Variants in KCNMA1 observed in about 807,000 individuals in gnomAD.
The protein encoded by KCNMA1 is Calcium-activated potassium channel subunit alpha-1.
In KCNMA1, 29 loss-of-function variants were observed where a neutral mutation model predicts 140.0. The ratio of observed to expected loss-of-function variants is 0.21; its 90% CI spans 0.15 to 0.28. The LOEUF (loss-of-function observed/expected upper bound fraction) is 0.28, where lower values mean the gene tolerates loss of function less well. KCNMA1 is among the 10% of genes least tolerant of loss of function. The pLI, the probability that KCNMA1 is intolerant of heterozygous loss-of-function variation, is 1.00. For synonymous variants in KCNMA1, 612 were observed against 611.9 expected, an observed-to-expected ratio of 1.00 and a Z score of 0.00; for missense variants, 880 against 1,602.2, an observed-to-expected ratio of 0.55 and a Z score of 7.70.
chr10:77,605,051 G>A (rs893870268), intron 1 of KCNMA1, among the ~76,000 whole-genome samples: 15 of 152,360 alleles, frequency 9.8e-5, no homozygotes, highest in South Asian at 2.1e-4. Flanking sequence ...CATAAAACCC[G>A]CAGTCCTAAC....
At chr10:77,332,651 G>A (rs1406381256) in intron 2 of KCNMA1, among the ~76,000 whole-genome samples, 1 of 152,192 alleles carries the variant, frequency 6.6e-6, no homozygotes, top group African/African-American at 2.4e-5. Flanking sequence ...GGGTCACCAG[G>A]CAGAGCTAGG....
intron 14 of KCNMA1, among the ~76,000 whole-genome samples, chr10:77,046,705 CA>C: frequency 6.6e-6 from 1 of 152,198 alleles, no homozygotes; most frequent in East Asian, 1.9e-4. Context: ...CAGTTTTTAT[CA>C]AAGGGCATGT....
intron 9 of KCNMA1, among the ~76,000 whole-genome samples, chr10:77,096,653 A>C (rs1207922684): frequency 6.6e-6 from 1 of 152,234 alleles, no homozygotes; most frequent in African/African-American, 2.4e-5. Flanking sequence ...TAAAGAACTT[A>C]AAAAACCCAG....
chr10:77,463,968 G>A (rs946356550), intron 1 of KCNMA1, among the ~76,000 whole-genome samples: 8 of 152,046 alleles, frequency 5.3e-5, no homozygotes, highest in African/African-American at 1.7e-4. Flanking sequence ...AGAGACCAGC[G>A]GCATCTGCAT....
In KCNMA1 at chr10:77,257,710, G is replaced by A. The variant is rs187552988; in HGVS notation, c.541-6454C>T. 2.9e-4 allele frequency among the ~76,000 whole-genome samples: 44 copies of A among 152,168 alleles called. No individual in the cohort carries two copies. In the South Asian group the frequency reaches 4.4e-3, roughly 15 times the overall value. On this transcript the variant is annotated intron_variant, in intron 2 of 27. Coordinates refer to ENST00000286628, the MANE Select transcript of KCNMA1 (RefSeq NM_001161352.2). ...TGGGAGGTAATTGAATCATGGGGGCGGGTCTTTCCCATGCTGTTCCTGTGA... is the reference window on the plus strand; with the variant it reads ...TGGGAGGTAATTGAATCATGGGGGCAGGTCTTTCCCATGCTGTTCCTGTGA...
chr10:77,318,690 T>C (rs1431641588), intron 2 of KCNMA1, among the ~76,000 whole-genome samples: 2 of 152,182 alleles, frequency 1.3e-5, no homozygotes, highest in Non-Finnish European at 2.9e-5. Context: ...GAAAGGACAG[T>C]TGAAATTAGT....
intron 1 of KCNMA1, among the ~76,000 whole-genome samples, chr10:77,549,310 T>C (rs917933740): frequency 6.6e-6 from 1 of 152,206 alleles, no homozygotes; most frequent in African/African-American, 2.4e-5. Flanking sequence ...CTCCATTATC[T>C]TGAGGAGTAA....
At chr10:76,913,095 C>T (rs1344798122) in intron 24 of KCNMA1, 6 of 152,190 alleles carry the variant, frequency 3.9e-5, no homozygotes, top group Admixed American at 1.3e-4. Context: ...TGAAAGCCTG[C>T]TCCCTTATTT....
intron 3 of KCNMA1, among the ~76,000 whole-genome samples, chr10:77,236,837 G>A (rs2055659914): frequency 6.6e-6 from 1 of 152,164 alleles, no homozygotes; most frequent in Non-Finnish European, 1.5e-5. Context: ...TAGAGACAAG[G>A]TCCCACTCTG....
chr10:77,441,833 G>T (rs186997580), intron 1 of KCNMA1, among the ~76,000 whole-genome samples: 256 of 151,378 alleles, frequency 1.7e-3, no homozygotes, highest in African/African-American at 5.9e-3. Flanking sequence ...AATAGCCTGA[G>T]ATCTTTTTTT....
chr10:77,396,107 T>G (rs1207847378), intron 2 of KCNMA1, among the ~76,000 whole-genome samples: 1 of 152,210 alleles, frequency 6.6e-6, no homozygotes, highest in Non-Finnish European at 1.5e-5. Flanking sequence ...AAGCCTCCCT[T>G]AGGAGTGTTA....
chr10:77,199,617 A>G (rs1470112948), intron 3 of KCNMA1, among the ~76,000 whole-genome samples: 1 of 152,212 alleles, frequency 6.6e-6, no homozygotes. Context: ...GTACTCAAAT[A>G]TAAGTAAGAA....
chr10:77,334,686 A>G (rs1368682515), intron 2 of KCNMA1, among the ~76,000 whole-genome samples: 1 of 152,200 alleles, frequency 6.6e-6, no homozygotes, highest in South Asian at 2.1e-4. Flanking sequence ...ATATTTACAC[A>G]TGAAACATAC....
At chr10:76,894,930 AT>A (rs1004264476) in intron 25 of KCNMA1, among the ~76,000 whole-genome samples, 5 of 152,144 alleles carry the variant, frequency 3.3e-5, no homozygotes, top group Non-Finnish European at 7.4e-5. Flanking sequence ...GTTATGCCCA[AT>A]TTCTGCCTCC....
chr10:77,400,867 T>G (rs2096241594), intron 2 of KCNMA1, among the ~76,000 whole-genome samples: 1 of 152,012 alleles, frequency 6.6e-6, no homozygotes, highest in South Asian at 2.1e-4. Flanking sequence ...CAGGAGAGTC[T>G]CAAGGTGGCC....
intron 2 of KCNMA1, among the ~76,000 whole-genome samples, chr10:77,281,963 G>A (rs770308733): frequency 7.2e-5 from 11 of 152,134 alleles, no homozygotes; most frequent in Non-Finnish European, 1.5e-4. Flanking sequence ...TGGGTGTTAC[G>A]ATAACCATGA....
intron 2 of KCNMA1, among the ~76,000 whole-genome samples, chr10:77,311,393 C>T (rs940398123): frequency 1.3e-5 from 2 of 152,094 alleles, no homozygotes; most frequent in Non-Finnish European, 2.9e-5. Context: ...CAGATGCTCC[C>T]TCCTCCCTGC....
At chr10:77,059,557 T>A (rs561906235) in intron 14 of KCNMA1, among the ~76,000 whole-genome samples, 1 of 152,224 alleles carries the variant, frequency 6.6e-6, no homozygotes, top group South Asian at 2.1e-4. Flanking sequence ...TGTATAATCA[T>A]TCAATGTAAT....
Position 77,196,749 on chromosome 10 carries a change from T to C in KCNMA1, c.603-11833A>G, listed in dbSNP as rs184976489. ...CTTGGGCTAAGGGATGCTGACAAGC[T>C]AGTATCATCAAGAATTGTCTAGGAA... is the stretch of plus-strand genomic sequence containing the variant. On this transcript the variant is annotated intron_variant, in intron 3 of 27. Coordinates refer to ENST00000286628, the MANE Select transcript of KCNMA1 (RefSeq NM_001161352.2). Among the ~76,000 whole-genome samples the C allele has an allele frequency of 1.3e-4, 20 of 152,310 alleles. No homozygotes were observed. The East Asian group carries it at 3.1e-3, about 23-fold the overall frequency.
Sources: gnomAD v4.1 joint callset for allele counts (sites outside exome capture counted in the v4.1 genomes callset) on GRCh38, gnomAD v4.1.1 for gene constraint, MANE v1.5 for transcripts, NCBI Gene and HGNC (gene_info 2026-07-23, HGNC 2026-07-21) for gene names.